The following GRHL2 variants were observed in gnomAD, a reference collection of about 807,000 sequenced individuals.
GRHL2 encodes the protein grainyhead like transcription factor 2, also known as grainyhead-like protein 2 homolog.
A neutral mutation model predicts 83.8 loss-of-function variants in GRHL2; 21 were observed. The observed-to-expected ratio is 0.25, with a 90% CI of 0.18 to 0.36. The LOEUF is 0.36. GRHL2 is among the 10% of genes least tolerant of loss of function. The probability of loss-of-function intolerance (pLI) is 1.00; values close to 1 mark genes in which losing one functional copy is unlikely to be tolerated. For missense variants in GRHL2, 623 were observed against 781.8 expected (o/e 0.80, Z 2.42); for synonymous variants, 280 against 278.9 (o/e 1.00, Z -0.04).
chr8:101,564,592 G>A (rs902460759), intron 4 of GRHL2, among the ~76,000 whole-genome samples: 1 of 152,060 alleles, frequency 6.6e-6, no homozygotes, highest in African/African-American at 2.4e-5. Flanking sequence ...GATCATTTGA[G>A]CCCATGAGTT....
intron 6 of GRHL2, among the ~76,000 whole-genome samples, chr8:101,574,771 G>A (rs1423045028): frequency 1.3e-5 from 2 of 152,216 alleles, no homozygotes; most frequent in South Asian, 2.1e-4. Flanking sequence ...CAAGACTGCG[G>A]TGAAGAATAT....
intron 8 of GRHL2, among the ~76,000 whole-genome samples, chr8:101,604,616 AC>A (rs1354931633): frequency 6.6e-6 from 1 of 152,130 alleles, no homozygotes; most frequent in African/African-American, 2.4e-5. Flanking sequence ...TCACTGGAAC[AC>A]CGTAACAATT....
intron 7 of GRHL2, among the ~76,000 whole-genome samples, chr8:101,592,100 C>CTTTTT (rs11382067): frequency 0.11 from 10,277 of 90,194 alleles, 1,074 homozygotes; most frequent in African/African-American, 0.17. Context: ...TCTTTCTTTT[C>CTTTTT]TTTTTTTTTT....
chr8:101,511,058 G>A (rs1275650936), intron 1 of GRHL2, among the ~76,000 whole-genome samples: 1 of 151,962 alleles, frequency 6.6e-6, no homozygotes. Context: ...TGGAGATCGT[G>A]CCACTGCACT....
intron 14 of GRHL2, among the ~76,000 whole-genome samples, chr8:101,662,198 G>C (rs984549695): frequency 3.3e-5 from 5 of 152,182 alleles, no homozygotes; most frequent in Non-Finnish European, 7.3e-5. Flanking sequence ...CAGAAGTTCT[G>C]CCAATTTTCT....
intron 7 of GRHL2, among the ~76,000 whole-genome samples, chr8:101,596,870 G>A (rs1812402202): frequency 6.6e-6 from 1 of 152,138 alleles, no homozygotes; most frequent in African/African-American, 2.4e-5. Flanking sequence ...TGAAGTACGT[G>A]CTTTATTTAA....
At chr8:101,599,512 TAGGTA>T (rs1812466776) in intron 8 of GRHL2, among the ~76,000 whole-genome samples, 2 of 152,328 alleles carry the variant, frequency 1.3e-5, no homozygotes, top group South Asian at 4.1e-4. Context: ...GATGTCTTCG[TAGGTA>T]AGCTACTGGG....
intron 14 of GRHL2, among the ~76,000 whole-genome samples, chr8:101,652,148 G>T (rs776504021): frequency 1.3e-5 from 2 of 152,068 alleles, no homozygotes; most frequent in Non-Finnish European, 2.9e-5. Context: ...TTCCTTTCAG[G>T]GTGTGGGTTC....
chr8:101,501,591 A>G (rs1810230199), intron 1 of GRHL2, among the ~76,000 whole-genome samples: 1 of 152,158 alleles, frequency 6.6e-6, no homozygotes, highest in Admixed American at 6.6e-5. Context: ...GTGAGCGGCC[A>G]GCAGGGGCTG....
At chr8:101,560,037 A>G (rs781516119) in intron 4 of GRHL2, among the ~76,000 whole-genome samples, 2 of 152,048 alleles carry the variant, frequency 1.3e-5, no homozygotes, top group Non-Finnish European at 2.9e-5. Context: ...GTGGAGTCTC[A>G]CTGTGTGGCC....
the GRHL2 span, among the ~76,000 whole-genome samples, chr8:101,678,425 G>A: frequency 6.6e-6 from 1 of 152,168 alleles, no homozygotes; most frequent in Non-Finnish European, 1.5e-5. Context: ...CTGGCTCGGA[G>A]GGTCCTACGC....
chr8:101,675,977 C>A, the GRHL2 span, among the ~76,000 whole-genome samples: 1 of 152,096 alleles, frequency 6.6e-6, no homozygotes, highest in African/African-American at 2.4e-5. Context: ...CCCTATTTAA[C>A]AAATGATGCT....
chr8:101,564,456 G>T (rs577599754), intron 4 of GRHL2, among the ~76,000 whole-genome samples: 13 of 152,278 alleles, frequency 8.5e-5, no homozygotes, highest in Admixed American at 2.6e-4. Flanking sequence ...TAGCAGGGAA[G>T]GGAGTAGTTT....
intron 1 of GRHL2, among the ~76,000 whole-genome samples, chr8:101,517,446 A>G (rs931443267): frequency 3.3e-5 from 5 of 152,186 alleles, no homozygotes; most frequent in African/African-American, 9.7e-5. Context: ...GGCAGCTGCC[A>G]CAATAACATT....
intron 12 of GRHL2, among the ~76,000 whole-genome samples, 190 bp from the exon 13 acceptor site, chr8:101,643,941 T>C (rs992401026): frequency 2.0e-5 from 3 of 152,068 alleles, no homozygotes; most frequent in Non-Finnish European, 4.4e-5. Flanking sequence ...CTAAAGATAG[T>C]GGTGTGTGTG....
chr8:101,550,039 A>C (rs1421678258), intron 2 of GRHL2, among the ~76,000 whole-genome samples: 1 of 151,724 alleles, frequency 6.6e-6, no homozygotes, highest in Non-Finnish European at 1.5e-5. Context: ...CCTTTTTTCT[A>C]TATATGTATA....
intron 9 of GRHL2, 136 bp from the exon 10 acceptor site, chr8:101,631,501 A>G (rs1405434831): frequency 5.3e-6 from 4 of 748,548 alleles, no homozygotes; most frequent in South Asian, 1.5e-5. Context: ...CAACCTTGCC[A>G]GAGGAATGGA....
intron 1 of GRHL2, among the ~76,000 whole-genome samples, chr8:101,498,950 C>T (rs1372420390): frequency 6.6e-6 from 1 of 151,996 alleles, no homozygotes; most frequent in East Asian, 1.9e-4. Context: ...TGGCGGGCAC[C>T]TGTAGTCCCA....
downstream of GRHL2, among the ~76,000 whole-genome samples, chr8:101,670,939 T>C (rs547794606): frequency 6.6e-6 from 1 of 152,114 alleles, no homozygotes; most frequent in South Asian, 2.1e-4. Flanking sequence ...AGGATAGTGA[T>C]CTGGAAACTT....
Sources: allele counts gnomAD v4.1 joint callset (sites outside exome capture counted in the v4.1 genomes callset), GRCh38; gene constraint gnomAD v4.1.1; transcripts MANE v1.5; gene names NCBI Gene and HGNC (gene_info 2026-07-23, HGNC 2026-07-21).